The following PAX7 variants were observed in gnomAD, a reference collection of about 807,000 sequenced individuals.
The protein encoded by PAX7 is paired box protein Pax-7.
A neutral mutation model predicts 50.7 loss-of-function variants in PAX7; 18 were observed. The observed-to-expected ratio is 0.36, with a 90% CI of 0.25 to 0.53. The LOEUF is 0.53. Ranked by LOEUF, PAX7 falls within the 20% of genes least tolerant of loss-of-function variation. The pLI is 0.93. For missense variants in PAX7, 644 were observed against 702.9 expected, an observed-to-expected ratio of 0.92 and a Z score of 0.95; for synonymous variants, 310 against 290.4, an observed-to-expected ratio of 1.07 and a Z score of -0.69.
intron 5 of PAX7, among the ~76,000 whole-genome samples, chr1:18,697,616 C>T (rs2089166335): frequency 6.6e-6 from 1 of 152,132 alleles, no homozygotes; most frequent in Admixed American, 6.5e-5. Context: ...TGCTGTCAAC[C>T]ATCCTGTTAC....
intron 4 of PAX7, among the ~76,000 whole-genome samples, chr1:18,670,331 C>G (rs948957004): frequency 1.2e-4 from 18 of 152,138 alleles, no homozygotes; most frequent in Non-Finnish European, 2.5e-4. Context: ...TCTCCTGTTT[C>G]CAACCCCCAT....
Position 18,736,661 on chromosome 1 carries a change from C to G in PAX7, c.1402+783C>G, listed in dbSNP as rs74056086. Among the ~76,000 whole-genome samples, 956 of 152,160 alleles carry G rather than the reference C, an allele frequency of 6.3e-3. 6 individuals carry two copies. The highest frequency in any genetic ancestry group is 0.022 in the African/African-American group (896 of 41,514). On this transcript the variant is annotated intron_variant, in intron 8 of 8. Coordinates refer to ENST00000420770, the MANE Select transcript of PAX7 (RefSeq NM_001135254.2). ...TTTACACTTACAGCCCATTTTAATTCGGACACTGAGTTTTCAACAGAAATA... is the reference window on the plus strand; with the variant it reads ...TTTACACTTACAGCCCATTTTAATTGGGACACTGAGTTTTCAACAGAAATA...
intron 4 of PAX7, among the ~76,000 whole-genome samples, chr1:18,643,295 C>G (rs1388257196): frequency 6.6e-6 from 1 of 152,140 alleles, no homozygotes; most frequent in African/African-American, 2.4e-5. Context: ...GCGAACGGAC[C>G]TTTCCATGGC....
At chr1:18,631,817 C>G (rs761388562) in intron 1 of PAX7, 129 bp downstream of exon 1, 9 of 765,928 alleles carry the variant, frequency 1.2e-5, no homozygotes, top group Non-Finnish European at 1.7e-5. Flanking sequence ...TCTTCTGGGT[C>G]CCAGTCCGGG....
rs946313018 is a variant in PAX7, at chr1:18,745,903, T to C, written c.*974T>C. ...CACTTTCATAACCAGATCCCTCTGT[T>C]TGTGGGAGGGCAAGCCTTTGTTGCC... On this transcript the variant is annotated 3_prime_UTR_variant, in exon 9 of 9. Transcript: ENST00000420770. The C allele has an allele frequency of 4.3e-6, 1 of 231,554 alleles. No individual in the cohort carries two copies. Among genetic ancestry groups the C allele is most frequent in the African/African-American group, 2.2e-5 (1 of 45,212 alleles). 14.3% of individuals were successfully genotyped at this position (231,554 alleles called of 1,614,324 possible). A position where few individuals can be genotyped will look rare whatever the true frequency, so the allele number is the denominator to read the frequency against.
At chr1:18,683,771 C>T (rs997284841) in intron 4 of PAX7, among the ~76,000 whole-genome samples, 2 of 152,166 alleles carry the variant, frequency 1.3e-5, no homozygotes, top group Non-Finnish European at 2.9e-5. Flanking sequence ...GCCTGGGAGG[C>T]GGATGTTGCA....
intron 4 of PAX7, among the ~76,000 whole-genome samples, chr1:18,651,357 G>T (rs888079442): frequency 1.4e-4 from 22 of 152,134 alleles, no homozygotes; most frequent in African/African-American, 4.8e-4. Context: ...GTTTTTGAAA[G>T]ATTTATTGCA....
intron 7 of PAX7, among the ~76,000 whole-genome samples, chr1:18,733,182 G>A (rs1416240119): frequency 6.6e-6 from 1 of 152,014 alleles, no homozygotes; most frequent in East Asian, 1.9e-4. Flanking sequence ...TTCAAGCTAA[G>A]GAGATCCCAT....
intron 7 of PAX7, among the ~76,000 whole-genome samples, chr1:18,723,257 TG>T (rs1433722968): frequency 1.3e-5 from 2 of 151,640 alleles, no homozygotes; most frequent in Non-Finnish European, 2.9e-5. Context: ...GCCCTGGGGG[TG>T]GGGTGTAATA....
In PAX7 at chr1:18,726,145, A is replaced by AGTGTGTGTGTGTGTGTGTGTGTGT. The variant is rs35982827; in HGVS notation, c.1156-9476_1156-9453dup. Among the ~76,000 whole-genome samples, 1 of 137,498 alleles carries AGTGTGTGTGTGTGTGTGTGTGTGT rather than the reference A, an allele frequency of 7.3e-6. No homozygotes were observed. Among genetic ancestry groups the AGTGTGTGTGTGTGTGTGTGTGTGT allele is most frequent in the African/African-American group, 2.7e-5 (1 of 36,582 alleles). 90.2% of individuals were successfully genotyped at this position (137,498 alleles called of 152,430 possible). On this transcript the variant is annotated intron_variant, in intron 7 of 8. Coordinates refer to ENST00000420770, the MANE Select transcript of PAX7 (RefSeq NM_001135254.2). This position sits in a 1 kb window ranked among gnomAD's most constrained non-coding sequence, Gnocchi z 4.8. ...ATAAAACAGACATTGGAAGAGTGTGAGTGTGTGTGTGTGTGTGTGTGTGTG... is the reference window on the plus strand; with the variant it reads ...ATAAAACAGACATTGGAAGAGTGTGAGTGTGTGTGTGTGTGTGTGTGTGTGTGTGTGTGTGTGTGTGTGTGTGTG...
At chr1:18,660,003 G>T (rs1297765764) in intron 4 of PAX7, among the ~76,000 whole-genome samples, 2 of 152,228 alleles carry the variant, frequency 1.3e-5, no homozygotes, top group African/African-American at 2.4e-5. Context: ...CCCTTGCGTG[G>T]GGTGGTTGAG....
intron 7 of PAX7, among the ~76,000 whole-genome samples, chr1:18,708,506 G>A (rs1557543611): frequency 6.6e-6 from 1 of 152,126 alleles, no homozygotes. Flanking sequence ...AGTGAGCTGT[G>A]ATTGTGCCAC....
intron 8 of PAX7, among the ~76,000 whole-genome samples, chr1:18,742,826 G>A (rs769665065): frequency 9.9e-5 from 15 of 152,208 alleles, no homozygotes; most frequent in Admixed American, 3.3e-4. Flanking sequence ...TGGGACTGTC[G>A]AGGGCCAAGC....
At chr1:18,744,484 A>G (rs59083108) in intron 8 of PAX7, among the ~76,000 whole-genome samples, 2 of 63,012 alleles carry the variant, frequency 3.2e-5, no homozygotes, top group Admixed American at 2.7e-4. Context: ...GGATGGATAA[A>G]TGGATGGATG....
chr1:18,661,468 G>T (rs937864976), intron 4 of PAX7, among the ~76,000 whole-genome samples: 2 of 152,206 alleles, frequency 1.3e-5, no homozygotes, highest in African/African-American at 4.8e-5. Context: ...GAGGCTGAGA[G>T]GATCGAACTG....
intron 7 of PAX7, among the ~76,000 whole-genome samples, chr1:18,721,661 ACACTCTTGATACCAGAGC>A (rs1300172147): frequency 6.6e-6 from 1 of 152,176 alleles, no homozygotes; most frequent in African/African-American, 2.4e-5. Context: ...GGAGCCCCAC[ACACTCTTGATACCAGAGC>A]CACTCATGGT....
rs1376705723 is a variant in PAX7 at position 18,636,514 on chromosome 1, C to T, written c.586+143C>T. 1.0e-5 allele frequency: 11 copies of T among 1,099,866 alleles called. No homozygotes were observed. The South Asian group carries it at 1.2e-4, about 12-fold the overall frequency. 68.1% of individuals were successfully genotyped at this position (1,099,866 alleles called of 1,614,324 possible). ...CTCATGCTGCGGGGCAGCTGGGAGC[C>T]GCTCAGGCTTTGCCGACAGCGCCCC... On this transcript the variant is annotated intron_variant, in intron 4 of 8. Transcript: ENST00000420770. The surrounding 1 kb of genome is among the most constrained non-coding windows in gnomAD (Gnocchi z 5.1).
intron 4 of PAX7, among the ~76,000 whole-genome samples, chr1:18,638,813 G>T (rs1344168193): frequency 1.3e-5 from 2 of 152,190 alleles, no homozygotes; most frequent in Non-Finnish European, 2.9e-5. Context: ...TGGTCGGCAG[G>T]CACCCCTGTG....
chr1:18,711,765 C>A (rs201855589), intron 7 of PAX7, among the ~76,000 whole-genome samples: 1 of 150,308 alleles, frequency 6.7e-6, no homozygotes, highest in African/African-American at 2.4e-5. Context: ...ACCCCTGTTT[C>A]TCTTTCTCTT....
Sources: gnomAD v4.1 joint callset for allele counts (sites outside exome capture counted in the v4.1 genomes callset) on GRCh38, gnomAD v4.1.1 for gene constraint, Gnocchi (gnomAD v3.1) non-coding constraint, MANE v1.5 for transcripts, NCBI Gene and HGNC (gene_info 2026-07-23, HGNC 2026-07-21) for gene names.